The following GUCY2C variants were observed in gnomAD, a reference collection of about 807,000 sequenced individuals.
GUCY2C encodes the protein guanylate cyclase 2C, also known as guanylyl cyclase C.
A neutral mutation model predicts 131.1 loss-of-function variants in GUCY2C; 118 were observed. The ratio of observed to expected loss-of-function variants is 0.90; its 90% CI spans 0.78 to 1.05. The LOEUF is 1.05. Among genes scored for constraint, GUCY2C ranks in the 50% least tolerant of loss-of-function variants. The pLI is 0.00. For synonymous variants in GUCY2C, 452 were observed against 457.8 expected, an observed-to-expected ratio of 0.99 and a Z score of 0.16; for missense variants, 1,161 against 1,304.4, an observed-to-expected ratio of 0.89 and a Z score of 1.69.
intron 9 of GUCY2C, among the ~76,000 whole-genome samples, chr12:14,671,416 G>A (rs968244220): frequency 1.3e-5 from 2 of 152,212 alleles, no homozygotes; most frequent in South Asian, 4.2e-4. Context: ...GGGAATACAG[G>A]GGTGAGCCAC....
intron 17 of GUCY2C, among the ~76,000 whole-genome samples, chr12:14,642,478 C>G (rs1216621036): frequency 6.6e-6 from 1 of 152,154 alleles, no homozygotes; most frequent in Admixed American, 6.5e-5. Flanking sequence ...TATGATGATG[C>G]ACACTTTCCT....
chr12:14,628,183 T>C (rs1312612460), intron 20 of GUCY2C, among the ~76,000 whole-genome samples: 2 of 152,172 alleles, frequency 1.3e-5, no homozygotes, highest in Non-Finnish European at 2.9e-5. Context: ...AATTGTGTAC[T>C]TTTCTCCCCC....
At chr12:14,685,763 C>T (rs1948455787) in intron 3 of GUCY2C, among the ~76,000 whole-genome samples, 2 of 152,178 alleles carry the variant, frequency 1.3e-5, no homozygotes, top group Non-Finnish European at 2.9e-5. Flanking sequence ...ACCAGACCTA[C>T]AGGATAGAAC....
At chr12:14,682,193 G>T (rs1238554140) in intron 4 of GUCY2C, among the ~76,000 whole-genome samples, 1 of 152,084 alleles carries the variant, frequency 6.6e-6, no homozygotes, top group Non-Finnish European at 1.5e-5. Context: ...GTTAGGCTTT[G>T]TGTCCCCACC....
chr12:14,679,213 C>T (rs1163050896), intron 6 of GUCY2C, among the ~76,000 whole-genome samples: 4 of 152,092 alleles, frequency 2.6e-5, no homozygotes, highest in Non-Finnish European at 5.9e-5. Flanking sequence ...AGATCAGGAT[C>T]GTATGTTTTT....
At chr12:14,639,179 T>A (rs539845921) in intron 19 of GUCY2C, among the ~76,000 whole-genome samples, 1 of 151,364 alleles carries the variant, frequency 6.6e-6, no homozygotes, top group Non-Finnish European at 1.5e-5. Context: ...GCGCCTGTAG[T>A]CCCAGCTACT....
intron 10 of GUCY2C, among the ~76,000 whole-genome samples, chr12:14,663,326 A>T (rs190642624): frequency 6.6e-6 from 1 of 152,194 alleles, no homozygotes; most frequent in Admixed American, 6.5e-5. Context: ...CTTTTTGCCC[A>T]GGCTGGCATG....
At chr12:14,688,634 C>T (rs575934187) in intron 1 of GUCY2C, among the ~76,000 whole-genome samples, 3 of 152,334 alleles carry the variant, frequency 2.0e-5, no homozygotes, top group East Asian at 1.9e-4. Context: ...ATGTGCCAGG[C>T]GCTCTTCTTT....
chr12:14,673,488 C>T (rs750517611), intron 8 of GUCY2C, among the ~76,000 whole-genome samples: 9 of 152,058 alleles, frequency 5.9e-5, no homozygotes, highest in Non-Finnish European at 8.8e-5. Flanking sequence ...TCACATGTTT[C>T]GACATAACAA....
chr12:14,683,006 G>T, intron 4 of GUCY2C, 36 bp downstream of exon 4: 1 of 1,420,268 alleles, frequency 7.0e-7, no homozygotes, highest in Non-Finnish European at 1.0e-6. Flanking sequence ...TTCTCTCCAT[G>T]GCAAGTGCTA....
intron 4 of GUCY2C, 138 bp downstream of exon 4, chr12:14,682,904 G>T: frequency 1.6e-6 from 1 of 615,692 alleles, no homozygotes; most frequent in East Asian, 2.7e-5. Context: ...TTTTATTTAT[G>T]TGTGAGAAAA....
chr12:14,636,433 A>C (rs1490722483), intron 19 of GUCY2C, among the ~76,000 whole-genome samples: 1 of 152,132 alleles, frequency 6.6e-6, no homozygotes, highest in Middle Eastern at 3.2e-3. Flanking sequence ...CTCTCAAAAA[A>C]CTAGCCATAG....
intron 20 of GUCY2C, among the ~76,000 whole-genome samples, 193 bp from the exon 21 acceptor site, chr12:14,626,108 G>A (rs1947008974): frequency 6.6e-6 from 1 of 152,218 alleles, no homozygotes; most frequent in African/African-American, 2.4e-5. Context: ...GGGAGTCCGA[G>A]GCGGGAGGAT....
intron 20 of GUCY2C, among the ~76,000 whole-genome samples, chr12:14,627,634 C>T (rs1480282402): frequency 6.6e-6 from 1 of 152,124 alleles, no homozygotes; most frequent in Non-Finnish European, 1.5e-5. Context: ...TTTAAAGTTC[C>T]TCAGGTGATT....
chr12:14,683,096 G>T lies in GUCY2C; in HGVS notation c.557C>A (p.Ser186Tyr), dbSNP rs950609890. The T allele has an allele frequency of 1.2e-6, 2 of 1,613,666 alleles. No individual in the cohort carries two copies. The highest frequency in any genetic ancestry group is 2.7e-5 in the African/African-American group (2 of 75,010). Reference protein sequence around the residue: ...KTNDLPFKTYSWSTSYVYKNG... With the variant: ...KTNDLPFKTYYWSTSYVYKNG... ...CTTGTAAACATACGAAGTGCTCCAGGAATAAGTTTTGAAGGGCAGATCGTT... is the reference window on the plus strand; with the variant it reads ...CTTGTAAACATACGAAGTGCTCCAGTAATAAGTTTTGAAGGGCAGATCGTT... The change falls in exon 4 of 27, where the codon TCC becomes TAC. Residue 186 changes from serine (S) to tyrosine (Y), a missense_variant. Ser to Tyr is a moderately radical substitution (Grantham distance 144). Transcript: ENST00000261170.
intron 15 of GUCY2C, among the ~76,000 whole-genome samples, chr12:14,647,992 G>A (rs372008143): frequency 6.6e-6 from 1 of 150,794 alleles, no homozygotes; most frequent in South Asian, 2.1e-4. Flanking sequence ...ATGAAGACTC[G>A]CATTGTTGCC....
intron 2 of GUCY2C, among the ~76,000 whole-genome samples, chr12:14,687,436 G>A (rs1473614610): frequency 3.3e-5 from 5 of 152,050 alleles, no homozygotes; most frequent in Non-Finnish European, 7.4e-5. Context: ...CCTGAGCAAC[G>A]TGGTGAAACC....
chr12:14,669,933 T>C, intron 9 of GUCY2C, 100 bp from the exon 10 acceptor site: 2 of 538,374 alleles, frequency 3.7e-6, no homozygotes, highest in Non-Finnish European at 3.3e-6. Context: ...TTGATTTCCA[T>C]AACAATTCTC....
At chr12:14,637,637 A>T (rs1229333398) in intron 19 of GUCY2C, among the ~76,000 whole-genome samples, 1 of 152,146 alleles carries the variant, frequency 6.6e-6, no homozygotes, top group Non-Finnish European at 1.5e-5. Context: ...AAATCCACAC[A>T]CTTACAGACA....
Sources: allele counts gnomAD v4.1 joint callset (sites outside exome capture counted in the v4.1 genomes callset), GRCh38; gene constraint gnomAD v4.1.1; transcripts MANE v1.5; gene names NCBI Gene and HGNC (gene_info 2026-07-23, HGNC 2026-07-21).